Variants in NRG3 observed in about 807,000 individuals in gnomAD.
NRG3 encodes pro-neuregulin-3, membrane-bound isoform.
Under a neutral mutation model 66.9 loss-of-function variants are expected in NRG3, and 31 were observed. The observed-to-expected ratio is 0.46, with a 90% confidence interval of 0.35 to 0.63. The LOEUF is 0.63. Among genes scored for constraint, NRG3 ranks in the 20% least tolerant of loss-of-function variants. NRG3 has a pLI of 0.00. For missense variants in NRG3, 910 were observed against 878.9 expected (o/e 1.04, Z -0.45); for synonymous variants, 393 against 359.4 (o/e 1.09, Z -1.06).
chr10:81,902,688 A>G (rs1205017828), intron 1 of NRG3, among the ~76,000 whole-genome samples: 1 of 152,104 alleles, frequency 6.6e-6, no homozygotes, highest in Non-Finnish European at 1.5e-5. Context: ...CTGCACTAAG[A>G]CACCTGGCTT....
chr10:82,232,953 C>A, intron 1 of NRG3: 1 of 655,224 alleles, frequency 1.5e-6, no homozygotes, highest in Non-Finnish European at 2.8e-6. Flanking sequence ...TTGCCTGGTA[C>A]CTGGCCCTGG....
intron 1 of NRG3, among the ~76,000 whole-genome samples, chr10:82,333,062 T>C (rs2082215301): frequency 6.6e-6 from 1 of 152,258 alleles, no homozygotes; most frequent in Admixed American, 6.5e-5. Flanking sequence ...AACAGTCTGT[T>C]CACAAAGAGG....
At chr10:82,734,468 A>T (rs2058061338) in intron 2 of NRG3, among the ~76,000 whole-genome samples, 1 of 152,120 alleles carries the variant, frequency 6.6e-6, no homozygotes, top group African/African-American at 2.4e-5. Context: ...TGGGGAAGGG[A>T]AGGTCCTGAG....
chr10:82,394,185 C>T (rs1033329221), intron 2 of NRG3, among the ~76,000 whole-genome samples: 8 of 152,124 alleles, frequency 5.3e-5, no homozygotes, highest in African/African-American at 1.2e-4. Flanking sequence ...TTGGGTTGAG[C>T]GTGAGGGGGC....
At chr10:81,995,533 G>C (rs925498680) in intron 1 of NRG3, among the ~76,000 whole-genome samples, 1 of 152,202 alleles carries the variant, frequency 6.6e-6, no homozygotes, top group Non-Finnish European at 1.5e-5. Context: ...GACTTAAGGG[G>C]AAGCCCTGAA....
intron 1 of NRG3, among the ~76,000 whole-genome samples, chr10:82,176,613 G>A (rs1319829542): frequency 1.3e-5 from 2 of 152,056 alleles, no homozygotes; most frequent in Non-Finnish European, 2.9e-5. Context: ...AGCGGTGTTT[G>A]GTTTGGGTTG....
intron 1 of NRG3, among the ~76,000 whole-genome samples, chr10:82,347,968 T>C (rs367632598): frequency 1.3e-5 from 2 of 151,868 alleles, no homozygotes; most frequent in African/African-American, 4.8e-5. Context: ...TGTCTCTGCA[T>C]GTGAGATGGG....
At chr10:82,036,345 G>GTGT (rs1178029560) in intron 1 of NRG3, among the ~76,000 whole-genome samples, 2 of 152,110 alleles carry the variant, frequency 1.3e-5, no homozygotes, top group Non-Finnish European at 2.9e-5. Flanking sequence ...TCTAGGCCAA[G>GTGT]TGTTAGGCTA....
intron 3 of NRG3, among the ~76,000 whole-genome samples, chr10:82,860,619 G>C (rs11818254): frequency 6.6e-6 from 1 of 152,152 alleles, no homozygotes; most frequent in Admixed American, 6.5e-5. Flanking sequence ...TTCCTGGTAC[G>C]CAGTAAGTGC....
intron 4 of NRG3, among the ~76,000 whole-genome samples, chr10:82,889,761 A>G (rs553429339): frequency 6.6e-6 from 1 of 152,272 alleles, no homozygotes; most frequent in African/African-American, 2.4e-5. Context: ...CCTGGGCTTG[A>G]AGGTGGAGTT....
At chr10:82,403,883 T>C (rs1257167961) in intron 2 of NRG3, among the ~76,000 whole-genome samples, 1 of 151,948 alleles carries the variant, frequency 6.6e-6, no homozygotes. Flanking sequence ...ATCTGTAAAA[T>C]GGGAAAACCC....
intron 1 of NRG3, among the ~76,000 whole-genome samples, chr10:82,007,217 T>C (rs2061406963): frequency 6.7e-6 from 1 of 149,244 alleles, no homozygotes; most frequent in Non-Finnish European, 1.5e-5. Context: ...TTTTCTTTTT[T>C]TTTTTTTTTT....
chr10:82,458,155 T>G (rs933226430), intron 2 of NRG3, among the ~76,000 whole-genome samples: 25 of 152,076 alleles, frequency 1.6e-4, no homozygotes, highest in Non-Finnish European at 3.4e-4. Flanking sequence ...TCACAAAGAC[T>G]CCTCAGTTCA....
chr10:82,656,775 C>G (rs534997831), intron 2 of NRG3, among the ~76,000 whole-genome samples: 1 of 152,184 alleles, frequency 6.6e-6, no homozygotes, highest in African/African-American at 2.4e-5. Context: ...AAGACATGCC[C>G]CCTCTTATCT....
chr10:82,244,278 G>C (rs749311289), intron 1 of NRG3, among the ~76,000 whole-genome samples: 1 of 152,116 alleles, frequency 6.6e-6, no homozygotes. Context: ...TCTTTGAAAA[G>C]ATTATTACCT....
chr10:82,020,101 A>G (rs1319535885), intron 1 of NRG3, among the ~76,000 whole-genome samples: 1 of 152,006 alleles, frequency 6.6e-6, no homozygotes, highest in African/African-American at 2.4e-5. Flanking sequence ...AAAGGCTTTC[A>G]AAGTAAAAAA....
intron 1 of NRG3, among the ~76,000 whole-genome samples, chr10:81,967,785 A>G (rs1477461025): frequency 6.6e-6 from 1 of 151,946 alleles, no homozygotes; most frequent in Non-Finnish European, 1.5e-5. Flanking sequence ...CTTTGTCTTC[A>G]TTTCCTATTC....
chr10:82,168,803 T>C (rs2072317816), intron 1 of NRG3, among the ~76,000 whole-genome samples: 2 of 152,176 alleles, frequency 1.3e-5, no homozygotes, highest in South Asian at 4.1e-4. Flanking sequence ...ATCCCAATTT[T>C]AGAGGTATCA....
intron 1 of NRG3, among the ~76,000 whole-genome samples, chr10:82,259,499 A>G (rs1473279658): frequency 2.0e-5 from 3 of 152,196 alleles, no homozygotes; most frequent in Non-Finnish European, 1.5e-5. Flanking sequence ...TATAAATTAG[A>G]TGGCACACCG....
Sources: gnomAD v4.1 joint callset for allele counts (sites outside exome capture counted in the v4.1 genomes callset) on GRCh38, gnomAD v4.1.1 for gene constraint, MANE v1.5 for transcripts, NCBI Gene and HGNC (gene_info 2026-07-23, HGNC 2026-07-21) for gene names.